The following TMEM87B variants were observed in gnomAD, a reference collection of about 807,000 sequenced individuals.
TMEM87B encodes the protein transmembrane protein 87B.
Under a neutral mutation model 80.3 loss-of-function variants are expected in TMEM87B, and 83 were observed. The ratio of observed to expected loss-of-function variants is 1.03; its 90% CI spans 0.87 to 1.24. TMEM87B has a LOEUF of 1.24. Ranked by LOEUF, TMEM87B falls within the 50% of genes most tolerant of loss-of-function variation. The pLI, the probability that TMEM87B is intolerant of heterozygous loss-of-function variation, is 0.00. For synonymous variants in TMEM87B, 219 were observed against 230.5 expected (o/e 0.95, Z 0.45); for missense variants, 625 against 674.4 (o/e 0.93, Z 0.81).
In TMEM87B at chr2:112,085,158, G is replaced by A. The variant is rs1046152895; in HGVS notation, c.839-847G>A. Among the ~76,000 whole-genome samples, 20 of 152,210 alleles carry A rather than the reference G, an allele frequency of 1.3e-4. 1 individual carries two copies. The highest frequency in any genetic ancestry group is 6.5e-4 in the Admixed American group (10 of 15,294). On this transcript the variant is annotated intron_variant, in intron 8 of 18. Transcript: ENST00000283206. The stretch of plus-strand genomic sequence containing the variant: ...TTGACTTCCCACTGCCCTTAACATC[G>A]AGTCCAGACTCCATGACAGGGGCTC...
chr2:112,084,851 A>G (rs181709953), intron 8 of TMEM87B, among the ~76,000 whole-genome samples: 10 of 152,320 alleles, frequency 6.6e-5, no homozygotes, highest in East Asian at 1.9e-4. Flanking sequence ...AGGTAGAGCA[A>G]TCTTGATAAA....
Position 112,116,190 on chromosome 2 carries a change from C to A in TMEM87B, c.*47C>A. ...TAGTTAAGCCTGAAGGACTATCCTT[C>A]ATCAAGACTGAAAGTGAGCTTTGAT... On this transcript the variant is annotated 3_prime_UTR_variant, in exon 19 of 19. Coordinates refer to ENST00000283206, the MANE Select transcript of TMEM87B (RefSeq NM_032824.3). 6.6e-7 allele frequency: 1 copy of A among 1,517,960 alleles called. No homozygotes were observed. Among genetic ancestry groups the A allele is most frequent in the Non-Finnish European group, 9.0e-7 (1 of 1,107,218 alleles). The allele number at this position is 1,517,960 out of a possible 1,614,324, so 94.0% of individuals were successfully genotyped here.
At chr2:112,062,887 T>A (rs192829844) in intron 2 of TMEM87B, among the ~76,000 whole-genome samples, 15 of 152,282 alleles carry the variant, frequency 9.9e-5, no homozygotes, top group Non-Finnish European at 1.9e-4. Context: ...CAACTCTGTG[T>A]GAGCTCTGAG....
Position 112,055,698 on chromosome 2 carries a change from C to A in TMEM87B, c.107C>A (p.Thr36Asn). 1 of 1,554,468 alleles carries A rather than the reference C, an allele frequency of 6.4e-7. No homozygotes were observed. The highest frequency in any genetic ancestry group is 8.6e-7 in the Non-Finnish European group (1 of 1,157,064). ...GTCGCCCTCTGCCTCCTGTGCTGGA[C>A]CCCGGCGGCTGTGCGCGCGGTCCCT... ...LRVALCLLCW[T>N]PAAVRAVPEL... is the part of the protein sequence containing the mutation. Residue 36 changes from threonine (T) to asparagine (N), a missense_variant, in exon 1 of 19, where the codon ACC becomes AAC. Coordinates refer to ENST00000283206, the MANE Select transcript of TMEM87B (RefSeq NM_032824.3).
intron 4 of TMEM87B, among the ~76,000 whole-genome samples, chr2:112,069,178 G>A (rs1678545273): frequency 8.1e-6 from 1 of 123,908 alleles, no homozygotes; most frequent in Non-Finnish European, 1.6e-5. Flanking sequence ...TGGCCTGGGC[G>A]ACAGAGCGAG....
chr2:112,096,889 A>G (rs530202980), intron 11 of TMEM87B, among the ~76,000 whole-genome samples, 155 bp from the exon 12 acceptor site: 4 of 152,364 alleles, frequency 2.6e-5, no homozygotes, highest in East Asian at 3.9e-4. Flanking sequence ...TGATTGTACA[A>G]TATTGGCCAA....
At chr2:112,096,907 T>G in intron 11 of TMEM87B, 137 bp from the exon 12 acceptor site, 1 of 630,896 alleles carries the variant, frequency 1.6e-6, no homozygotes, top group South Asian at 2.0e-5. Flanking sequence ...CAAGATAACA[T>G]TTTCTGTGTT....
chr2:112,087,562 C>T (rs965760174), intron 9 of TMEM87B, among the ~76,000 whole-genome samples: 11 of 152,024 alleles, frequency 7.2e-5, no homozygotes, highest in African/African-American at 2.4e-4. Flanking sequence ...AGTCACGGGC[C>T]ACCCCTGCCT....
chr2:112,086,131 C>T (rs1223429606), intron 9 of TMEM87B, 27 bp downstream of exon 9: 2 of 1,581,334 alleles, frequency 1.3e-6, no homozygotes, highest in South Asian at 2.2e-5. Flanking sequence ...GGGAAAAATG[C>T]TGGGTCCCAG....
intron 1 of TMEM87B, among the ~76,000 whole-genome samples, chr2:112,059,638 A>G (rs1195900733): frequency 6.6e-6 from 1 of 152,200 alleles, no homozygotes; most frequent in Non-Finnish European, 1.5e-5. Context: ...TCAAAAGTAC[A>G]TTCAAATTGA....
At chr2:112,079,650 T>C (rs950768408) in intron 6 of TMEM87B, among the ~76,000 whole-genome samples, 1 of 152,170 alleles carries the variant, frequency 6.6e-6, no homozygotes, top group Non-Finnish European at 1.5e-5. Context: ...CTGGATTATA[T>C]GGTAATTCTG....
intron 6 of TMEM87B, among the ~76,000 whole-genome samples, chr2:112,078,006 T>C (rs1342198942): frequency 6.6e-6 from 1 of 152,108 alleles, no homozygotes; most frequent in Non-Finnish European, 1.5e-5. Flanking sequence ...CAGAAACCAA[T>C]GAGGTGAGGT....
intron 10 of TMEM87B, 69 bp from the exon 11 acceptor site, chr2:112,091,643 C>T: frequency 9.6e-7 from 1 of 1,041,954 alleles, no homozygotes; most frequent in South Asian, 1.4e-5. Context: ...TTTTCTTCAT[C>T]AAATGATAAT....
rs1456003353 is a variant in TMEM87B, at chr2:112,106,038, C to G, written c.1487C>G (p.Ser496Cys). 6.4e-7 allele frequency: 1 copy of G among 1,573,658 alleles called. No homozygotes were observed. The highest frequency in any genetic ancestry group is 2.3e-5 in the East Asian group (1 of 43,012). ...AAATTAAGAGCCTCAAAATCAGTTT[C>G]CAATGGAACAGCTAAGCCTGCCACT... ...GIKLRASKSV[S>C]NGTAKPATSE... The change falls in exon 16 of 19, where the codon TCC (serine) becomes TGC (cysteine). Residue 496 changes from serine (S) to cysteine (C), a missense_variant. Coordinates refer to ENST00000283206, the MANE Select transcript of TMEM87B (RefSeq NM_032824.3).
rs761700977 is a variant in TMEM87B, at chr2:112,081,038, CTCT to C, written c.593-12_593-10del. The stretch of plus-strand genomic sequence containing the variant: ...TTAAGACTGACTGTTAATTAACTCT[CTCT>C]TCTTCTCTATCCTAGTTTCTCTTTC... On this transcript the variant is annotated splice_polypyrimidine_tract_variant and intron_variant, in intron 6 of 18. Transcript: ENST00000283206. 2.5e-6 allele frequency: 4 copies of C among 1,603,930 alleles called. No individual in the cohort carries two copies. In the South Asian group the frequency reaches 3.3e-5, roughly 13 times the overall value.
chr2:112,064,104 G>C, intron 2 of TMEM87B, 58 bp from the exon 3 acceptor site: 3 of 1,433,952 alleles, frequency 2.1e-6, no homozygotes, highest in Non-Finnish European at 2.9e-6. Flanking sequence ...AAAACCTTAA[G>C]TTTATATTAG....
chr2:112,091,777 G>A lies in TMEM87B; in HGVS notation c.1098G>A (p.Val366=). 1.2e-6 allele frequency: 2 copies of A among 1,610,206 alleles called. No individual in the cohort carries two copies. Among genetic ancestry groups the A allele is most frequent in the South Asian group, 2.2e-5 (2 of 90,884 alleles). ...IILAVIDSIF[V]WFIFISLAQT... is the part of the protein sequence containing the mutation. ...TAGCAGTTATTGACTCCATTTTTGT[G>A]TGGTTCATATCCTTTACTGTGTCCT... The change falls in exon 11 of 19, where the codon GTG becomes GTA. Residue 366 remains valine (V), a synonymous_variant. Transcript: ENST00000283206.
chr2:112,061,861 C>G (rs1326008695), intron 2 of TMEM87B, among the ~76,000 whole-genome samples: 1 of 152,144 alleles, frequency 6.6e-6, no homozygotes, highest in East Asian at 1.9e-4. Flanking sequence ...TGTCCAACAG[C>G]ATTGTTGGGG....
chr2:112,089,513 G>A, intron 9 of TMEM87B, 112 bp from the exon 10 acceptor site: 1 of 922,792 alleles, frequency 1.1e-6, no homozygotes, highest in Admixed American at 2.0e-5. Flanking sequence ...ACAGACTGAT[G>A]TGATTAGATA....
Sources: allele counts gnomAD v4.1 joint callset (sites outside exome capture counted in the v4.1 genomes callset), GRCh38; gene constraint gnomAD v4.1.1; transcripts MANE v1.5; gene names NCBI Gene and HGNC (gene_info 2026-07-23, HGNC 2026-07-21).